Variants in NSD1 observed in about 807,000 individuals in gnomAD.
NSD1 encodes histone-lysine N-methyltransferase, H3 lysine-36 specific.
In NSD1, 26 loss-of-function variants were observed where a neutral mutation model predicts 242.7. The observed-to-expected ratio is 0.11, with a 90% confidence interval of 0.08 to 0.15. The LOEUF (loss-of-function observed/expected upper bound fraction) is 0.15, where lower values mean the gene tolerates loss of function less well. Among genes scored for constraint, NSD1 ranks in the 10% least tolerant of loss-of-function variants. The pLI is 1.00. For synonymous variants in NSD1, 1,106 were observed against 1,178.1 expected, an observed-to-expected ratio of 0.94 and a Z score of 1.25; for missense variants, 2,495 against 3,272.8, an observed-to-expected ratio of 0.76 and a Z score of 5.80.
chr5:177,229,888 T>C (rs1438583697), intron 5 of NSD1: 1 of 207,504 alleles, frequency 4.8e-6, no homozygotes, highest in Non-Finnish European at 1.0e-5. Flanking sequence ...CAACTACAGG[T>C]ATGCACCACC....
intron 2 of NSD1, among the ~76,000 whole-genome samples, chr5:177,158,998 T>TTATATATATATATATATGAATTATA (rs1183569859): frequency 6.5e-5 from 8 of 122,592 alleles, no homozygotes; most frequent in African/African-American, 3.0e-4. Flanking sequence ...ATGAATGATT[T>TTATATATATATATATATGAATTATA]TATATATATA....
At chr5:177,187,026 C>T (rs530288574) in intron 2 of NSD1, among the ~76,000 whole-genome samples, 1 of 150,768 alleles carries the variant, frequency 6.6e-6, no homozygotes, top group South Asian at 2.1e-4. Context: ...ATATTTATTT[C>T]TAATGCAAAA....
chr5:177,216,674 T>G (rs1357854220), intron 5 of NSD1, among the ~76,000 whole-genome samples: 3 of 151,208 alleles, frequency 2.0e-5, no homozygotes, highest in Non-Finnish European at 4.4e-5. Flanking sequence ...ATCTCTGTTT[T>G]TTTTTTTTTT....
intron 5 of NSD1, among the ~76,000 whole-genome samples, chr5:177,228,169 A>G (rs560336598): frequency 2.1e-4 from 32 of 152,146 alleles, no homozygotes; most frequent in Non-Finnish European, 4.0e-4. Context: ...GTATAGTGCA[A>G]TGCAGTTATT....
Position 177,235,890 on chromosome 5 carries a change from A to G in NSD1, c.3866A>G (p.Asp1289Gly), listed in dbSNP as rs1765402253. 2.5e-6 allele frequency: 4 copies of G among 1,613,900 alleles called. No individual in the cohort carries two copies. The highest frequency in any genetic ancestry group is 3.4e-6 in the Non-Finnish European group (4 of 1,179,924). Reference sequence around the variant, plus strand: ...CTTTTGGAATATACAGAAGAATATGATCAGATATTTGCTCCTAAGAAAAAA... The same window carrying G: ...CTTTTGGAATATACAGAAGAATATGGTCAGATATTTGCTCCTAAGAAAAAA... ...KWLLEYTEEY[D>G]QIFAPKKKQK... The change falls in exon 6 of 23, where the codon GAT (aspartate) becomes GGT (glycine). Residue 1289 changes from aspartate to glycine, a missense_variant. Around this residue, in one of 19 missense-constraint regions of NSD1, gnomAD observed 426 missense variants for 411.4 expected, o/e 1.04. Transcript: ENST00000439151.
chr5:177,200,349 TCCTCCCGCCTCGG>T (rs934856324), intron 3 of NSD1, among the ~76,000 whole-genome samples: 12 of 152,074 alleles, frequency 7.9e-5, no homozygotes, highest in Non-Finnish European at 1.6e-4. Flanking sequence ...CCTTAAGTGA[TCCTCCCGCCTCGG>T]CCTCCCAAGG....
At chr5:177,143,647 G>A (rs1396474565) in intron 2 of NSD1, among the ~76,000 whole-genome samples, 2 of 152,078 alleles carry the variant, frequency 1.3e-5, no homozygotes, top group Admixed American at 1.3e-4. Context: ...ATGGTTTTAG[G>A]TTGGACATCT....
intron 2 of NSD1, among the ~76,000 whole-genome samples, chr5:177,176,989 T>A (rs551391384): frequency 3.3e-5 from 5 of 152,216 alleles, no homozygotes; most frequent in Admixed American, 6.5e-5. Context: ...AGGATTCTGT[T>A]ACATTATGTG....
intron 2 of NSD1, among the ~76,000 whole-genome samples, chr5:177,183,977 T>TTTCATTCTA (rs748935020): frequency 1.4e-4 from 21 of 152,228 alleles, no homozygotes; most frequent in Non-Finnish European, 2.1e-4. Flanking sequence ...TCTCATTCTT[T>TTTCATTCTA]TTCATGGCTG....
rs1562278643 is a variant in NSD1 at position 177,267,737 on chromosome 5, A to C, written c.5303+19A>C. ...GATACAGGTAAGCCTGAAGAATAGC[A>C]CTCATCTCTTTTACCATCCTCTGTT... On this transcript the variant is annotated intron_variant, in intron 15 of 22. Transcript: ENST00000439151. 6.2e-7 allele frequency: 1 copy of C among 1,611,966 alleles called. No homozygotes were observed. The highest frequency in any genetic ancestry group is 8.5e-7 in the Non-Finnish European group (1 of 1,178,596).
chr5:177,290,119 T>C (rs62397240), intron 21 of NSD1, among the ~76,000 whole-genome samples: 35,144 of 149,994 alleles, frequency 0.23, 5,445 homozygotes, highest in Middle Eastern at 0.36. Flanking sequence ...TGAGCCACTG[T>C]GCCCGGCCCT....
intron 2 of NSD1, among the ~76,000 whole-genome samples, chr5:177,138,646 T>C (rs1756550681): frequency 7.0e-6 from 1 of 143,574 alleles, no homozygotes; most frequent in Non-Finnish European, 1.5e-5. Flanking sequence ...ACTGAAGACA[T>C]TTTTTTTTTT....
Position 177,296,441 on chromosome 5 carries a change from C to T in NSD1, c.*982C>T, listed in dbSNP as rs1448778710. ...CAGGTGCTTTCAGATTTCAGAGCCT[C>T]GGGCAGTGGACATAGGGAATCTCTG... On this transcript the variant is annotated 3_prime_UTR_variant, in exon 23 of 23. Transcript: ENST00000439151. 3.4e-5 allele frequency: 8 copies of T among 233,182 alleles called. No homozygotes were observed. Among genetic ancestry groups the T allele is most frequent in the East Asian group, 1.8e-4 (3 of 16,606 alleles). The allele number at this position is 233,182 out of a possible 1,614,324, so 14.4% of individuals were successfully genotyped here. A position where few individuals can be genotyped will look rare whatever the true frequency, so the allele number is the denominator to read the frequency against.
intron 5 of NSD1, chr5:177,221,065 G>A (rs1346778116): frequency 2.2e-6 from 1 of 454,170 alleles, no homozygotes; most frequent in Non-Finnish European, 4.4e-6. Flanking sequence ...TAGATACGGG[G>A]TTTCACCATG....
At chr5:177,224,408 GTCTT>G (rs1764475761) in intron 5 of NSD1, among the ~76,000 whole-genome samples, 1 of 151,856 alleles carries the variant, frequency 6.6e-6, no homozygotes, top group South Asian at 2.1e-4. Flanking sequence ...AAGTATTTTA[GTCTT>G]TCTTTGTCCT....
rs759134730 is a variant in NSD1, at chr5:177,294,080, G to C, written c.6712G>C (p.Glu2238Gln). 1 of 1,614,064 alleles carries C rather than the reference G, an allele frequency of 6.2e-7. No homozygotes were observed. Among genetic ancestry groups the C allele is most frequent in the Admixed American group, 1.7e-5 (1 of 60,016 alleles). The change falls in exon 23 of 23, where the codon GAG becomes CAG. Residue 2238 changes from glutamate (E) to glutamine (Q), a missense_variant. By Grantham distance (29) the Glu-to-Gln change is conservative (BLOSUM62 2). Transcript: ENST00000439151. Reference protein sequence around the residue: ...LPPGPSTHLAEQSTGMAAQAP... With the variant: ...LPPGPSTHLAQQSTGMAAQAP... ...TCCAGGGCCAAGCACTCACCTGGCA[G>C]AGCAATCAACAGGAATGGCTGCTCA...
At chr5:177,270,086 A>G (rs979467103) in intron 16 of NSD1, among the ~76,000 whole-genome samples, 3 of 152,178 alleles carry the variant, frequency 2.0e-5, no homozygotes, top group South Asian at 2.1e-4. Flanking sequence ...AAACTATTTC[A>G]TAGAAGAAAC....
At chr5:177,159,684 C>T (rs1758575890) in intron 2 of NSD1, among the ~76,000 whole-genome samples, 1 of 151,652 alleles carries the variant, frequency 6.6e-6, no homozygotes, top group South Asian at 2.1e-4. Flanking sequence ...CAACCTCCGC[C>T]TCCCACGTTC....
At chr5:177,199,979 C>G (rs1418212095) in intron 3 of NSD1, among the ~76,000 whole-genome samples, 1 of 152,138 alleles carries the variant, frequency 6.6e-6, no homozygotes, top group African/African-American at 2.4e-5. Context: ...CTGTTGTGCT[C>G]CTCAACTTAC....
Sources: allele counts gnomAD v4.1 joint callset (sites outside exome capture counted in the v4.1 genomes callset), GRCh38; gene constraint gnomAD v4.1.1; regional missense constraint gnomAD v4.1.1; transcripts MANE v1.5; gene names NCBI Gene and HGNC (gene_info 2026-07-23, HGNC 2026-07-21).